Variants in HDAC9 observed in about 807,000 individuals in gnomAD.
HDAC9 encodes the protein MEF-2 interacting transcription repressor (MITR) protein.
Under a neutral mutation model 139.4 loss-of-function variants are expected in HDAC9, and 41 were observed. The observed-to-expected ratio is 0.29, with a 90% CI of 0.23 to 0.38. HDAC9 has a LOEUF of 0.38. Among genes scored for constraint, HDAC9 ranks in the 10% least tolerant of loss-of-function variants. The pLI, the probability that HDAC9 is intolerant of heterozygous loss-of-function variation, is 1.00. For synonymous variants in HDAC9, 517 were observed against 476.2 expected, an observed-to-expected ratio of 1.09 and a Z score of -1.12; for missense variants, 1,147 against 1,297.0, an observed-to-expected ratio of 0.88 and a Z score of 1.78.
At chr7:18,860,851 C>T (rs1239877003) in intron 21 of HDAC9, among the ~76,000 whole-genome samples, 5 of 152,124 alleles carry the variant, frequency 3.3e-5, no homozygotes, top group Non-Finnish European at 7.4e-5. Flanking sequence ...CAAGAAGAAT[C>T]AGTAGTTCTA....
chr7:18,832,888 A>G (rs950645964), intron 19 of HDAC9, among the ~76,000 whole-genome samples: 22 of 152,122 alleles, frequency 1.4e-4, no homozygotes, highest in African/African-American at 5.3e-4. Flanking sequence ...GGCATGCGCC[A>G]CCATACCCAG....
chr7:18,835,718 A>T, intron 20 of HDAC9, 132 bp downstream of exon 20: 1 of 1,297,270 alleles, frequency 7.7e-7, no homozygotes, highest in Non-Finnish European at 1.1e-6. Flanking sequence ...GTCCCATGGG[A>T]CCAAGAACCA....
chr7:18,314,165 T>A (rs1298451164), intron 1 of HDAC9, among the ~76,000 whole-genome samples: 1 of 152,200 alleles, frequency 6.6e-6, no homozygotes, highest in Non-Finnish European at 1.5e-5. Context: ...AACTCATAGC[T>A]ATGCTGTTAG....
At chr7:18,240,962 C>T (rs1476912928) in intron 2 of HDAC9, among the ~76,000 whole-genome samples, 2 of 152,114 alleles carry the variant, frequency 1.3e-5, no homozygotes, top group African/African-American at 2.4e-5. Context: ...CTTCCTTGAC[C>T]ATCTGAAGTT....
At chr7:18,094,183 G>A (rs187147641) in intron 1 of HDAC9, among the ~76,000 whole-genome samples, 2 of 152,278 alleles carry the variant, frequency 1.3e-5, no homozygotes, top group East Asian at 3.9e-4. Flanking sequence ...CTGGGTTCAG[G>A]TGTCCACCCT....
At chr7:18,982,572 A>G (rs1006001202) in intron 25 of HDAC9, among the ~76,000 whole-genome samples, 5 of 152,000 alleles carry the variant, frequency 3.3e-5, no homozygotes, top group Non-Finnish European at 7.4e-5. Context: ...TATAAACACC[A>G]CCCAGAACAA....
chr7:18,294,370 G>T (rs1388566369), intron 1 of HDAC9, among the ~76,000 whole-genome samples: 2 of 151,990 alleles, frequency 1.3e-5, no homozygotes, highest in Non-Finnish European at 2.9e-5. Flanking sequence ...GCTGCTAGGG[G>T]TGTTGTATTA....
At chr7:18,585,066 G>A (rs1324798681) in intron 2 of HDAC9, among the ~76,000 whole-genome samples, 3 of 152,158 alleles carry the variant, frequency 2.0e-5, no homozygotes, top group African/African-American at 7.2e-5. Context: ...ATGGCAGAGT[G>A]CAAATTGCTG....
chr7:18,637,412 C>T (rs1314318277), intron 8 of HDAC9, among the ~76,000 whole-genome samples: 3 of 151,958 alleles, frequency 2.0e-5, no homozygotes, highest in African/African-American at 7.2e-5. Flanking sequence ...TTTCTAAAGC[C>T]ATAACTTGGC....
At chr7:18,208,403 C>CT (rs1223475026) in intron 2 of HDAC9, among the ~76,000 whole-genome samples, 1 of 132,458 alleles carries the variant, frequency 7.5e-6, no homozygotes, top group East Asian at 2.2e-4. Context: ...GACAGGGTCT[C>CT]TCTTTGTCAT....
chr7:18,904,911 T>A (rs1237916905), intron 22 of HDAC9, among the ~76,000 whole-genome samples: 1 of 151,004 alleles, frequency 6.6e-6, no homozygotes, highest in Non-Finnish European at 1.5e-5. Context: ...TGTTTTGTTT[T>A]GTTTTTTCTC....
At chr7:18,155,093 C>CTTTCTTTCTTTCTTTCTTTCTT (rs761803907) in intron 1 of HDAC9, among the ~76,000 whole-genome samples, 4 of 141,714 alleles carry the variant, frequency 2.8e-5, no homozygotes, top group East Asian at 4.2e-4. Flanking sequence ...TTCTTTCTTT[C>CTTTCTTTCTTTCTTTCTTTCTT]TTTTTTTTTT....
At chr7:18,601,877 G>T (rs931001387) in intron 6 of HDAC9, among the ~76,000 whole-genome samples, 3 of 152,084 alleles carry the variant, frequency 2.0e-5, no homozygotes, top group African/African-American at 7.2e-5. Context: ...CTAGTATTTT[G>T]TGGAAGATTT....
At chr7:18,307,110 TGTG>T (rs1798969609) in intron 1 of HDAC9, among the ~76,000 whole-genome samples, 10 of 115,598 alleles carry the variant, frequency 8.7e-5, no homozygotes, top group Admixed American at 2.6e-4. Context: ...TGTGTGTGTG[TGTG>T]TGTGTGTGTG....
intron 2 of HDAC9, chr7:18,502,692 A>G (rs978184360): frequency 2.0e-5 from 3 of 152,122 alleles, no homozygotes; most frequent in African/African-American, 7.2e-5. Flanking sequence ...TATTGAATAG[A>G]TTGCCTTTCT....
intron 2 of HDAC9, among the ~76,000 whole-genome samples, chr7:18,196,814 A>C (rs1022928592): frequency 6.6e-6 from 1 of 152,132 alleles, no homozygotes; most frequent in Non-Finnish European, 1.5e-5. Flanking sequence ...GACAGTAATG[A>C]GACTGGAGAA....
intron 1 of HDAC9, among the ~76,000 whole-genome samples, chr7:18,456,667 C>T (rs1019250812): frequency 2.0e-5 from 3 of 152,106 alleles, no homozygotes; most frequent in Non-Finnish European, 4.4e-5. Flanking sequence ...GGTTTGGCCT[C>T]TCTATTTCAG....
intron 2 of HDAC9, among the ~76,000 whole-genome samples, chr7:18,256,526 A>G (rs1349183845): frequency 1.3e-5 from 2 of 152,186 alleles, no homozygotes; most frequent in African/African-American, 4.8e-5. Context: ...TACCTCTCCA[A>G]CTAGTGTTTC....
In HDAC9 at chr7:18,884,855, A is replaced by G. The variant is rs1410543213; in HGVS notation, c.2803+10259A>G. Among the ~76,000 whole-genome samples, 3 of 152,158 alleles carry G rather than the reference A, an allele frequency of 2.0e-5. No individual in the cohort carries two copies. The East Asian group carries it at 5.8e-4, about 29-fold the overall frequency. ...TCCACATCCCTGTTTCTCAATACAC[A>G]TGCACACACCCACACAACAAATCTC... On this transcript the variant is annotated intron_variant, in intron 22 of 25. Coordinates refer to ENST00000686413, the MANE Select transcript of HDAC9 (RefSeq NM_178425.4).
Sources: gnomAD v4.1 joint callset for allele counts (sites outside exome capture counted in the v4.1 genomes callset) on GRCh38, gnomAD v4.1.1 for gene constraint, MANE v1.5 for transcripts, NCBI Gene and HGNC (gene_info 2026-07-23, HGNC 2026-07-21) for gene names.